CSNK2A2IP: variants seen among roughly 807,000 people sequenced by gnomAD.
The protein encoded by CSNK2A2IP is casein kinase II subunit alpha'-interacting protein.
At chr3:88,352,149 G>A in the CSNK2A2IP span, among the ~76,000 whole-genome samples, 1 of 152,076 alleles carries the variant, frequency 6.6e-6, no homozygotes, top group Admixed American at 6.6e-5. Context: ...AAACTAAAAT[G>A]ATAAAAATGT....
the CSNK2A2IP span, among the ~76,000 whole-genome samples, chr3:88,437,436 G>A: frequency 6.6e-6 from 1 of 152,186 alleles, no homozygotes; most frequent in Non-Finnish European, 1.5e-5. Context: ...TGTATTTTAA[G>A]TTTGACTGAA....
the CSNK2A2IP span, among the ~76,000 whole-genome samples, chr3:88,412,144 G>A: frequency 1.3e-5 from 2 of 151,836 alleles, no homozygotes; most frequent in African/African-American, 4.8e-5. Flanking sequence ...TTTTGAAGGG[G>A]TAATAGTTTT....
the CSNK2A2IP span, among the ~76,000 whole-genome samples, chr3:88,362,848 C>T: frequency 1.3e-5 from 2 of 152,164 alleles, no homozygotes; most frequent in Non-Finnish European, 2.9e-5. Context: ...AGACAAAGTC[C>T]TTTGTAGTCT....
At chr3:88,437,988 A>G in the CSNK2A2IP span, among the ~76,000 whole-genome samples, 1 of 152,226 alleles carries the variant, frequency 6.6e-6, no homozygotes, top group Non-Finnish European at 1.5e-5. Context: ...TGAAAAAATT[A>G]TTCAAAACAC....
At chr3:88,419,233 C>T in the CSNK2A2IP span, among the ~76,000 whole-genome samples, 1 of 152,104 alleles carries the variant, frequency 6.6e-6, no homozygotes, top group Non-Finnish European at 1.5e-5. Context: ...TTCTCCCACC[C>T]CCTGGTCTGT....
the CSNK2A2IP span, among the ~76,000 whole-genome samples, chr3:88,431,850 G>A: frequency 6.6e-6 from 1 of 152,058 alleles, no homozygotes; most frequent in African/African-American, 2.4e-5. Context: ...GAAAAATTAA[G>A]CAGCTATATA....
At chr3:88,354,078 A>G in the CSNK2A2IP span, among the ~76,000 whole-genome samples, 1 of 152,120 alleles carries the variant, frequency 6.6e-6, no homozygotes, top group Admixed American at 6.6e-5. Context: ...TCCATCTCTC[A>G]TCATGTGACA....
At chr3:88,414,114 C>T in the CSNK2A2IP span, among the ~76,000 whole-genome samples, 1 of 150,764 alleles carries the variant, frequency 6.6e-6, no homozygotes, top group East Asian at 1.9e-4. Context: ...TCTAGGGAAA[C>T]AGACTATCTC....
the CSNK2A2IP span, among the ~76,000 whole-genome samples, chr3:88,437,773 C>CT: frequency 6.6e-6 from 1 of 152,194 alleles, no homozygotes; most frequent in Non-Finnish European, 1.5e-5. Context: ...GTTGGATAGA[C>CT]TATCTCTGTA....
At chr3:88,420,798 A>C in the CSNK2A2IP span, among the ~76,000 whole-genome samples, 4 of 152,180 alleles carry the variant, frequency 2.6e-5, no homozygotes, top group African/African-American at 9.6e-5. Context: ...AGAAGAATGC[A>C]ATATGACTAT....
chr3:88,390,485 C>T, the CSNK2A2IP span, among the ~76,000 whole-genome samples: 2 of 152,162 alleles, frequency 1.3e-5, no homozygotes, highest in South Asian at 2.1e-4. Flanking sequence ...CTCATTAAGC[C>T]GATAACTCAA....
the CSNK2A2IP span, among the ~76,000 whole-genome samples, chr3:88,366,515 A>G: frequency 6.6e-6 from 1 of 152,174 alleles, no homozygotes; most frequent in African/African-American, 2.4e-5. Context: ...AGTTAAAAAC[A>G]GAATACTTTA....
the CSNK2A2IP span, among the ~76,000 whole-genome samples, chr3:88,433,267 C>T: frequency 7.9e-6 from 1 of 127,340 alleles, no homozygotes; most frequent in Non-Finnish European, 1.9e-5. Context: ...TGCCTTTGTT[C>T]TGTTTTTTCT....
chr3:88,460,256 T>G, the CSNK2A2IP span, among the ~76,000 whole-genome samples: 1 of 152,210 alleles, frequency 6.6e-6, no homozygotes, highest in Admixed American at 6.5e-5. Flanking sequence ...TACATGCTTC[T>G]AGCAAAATAC....
At chr3:88,435,011 T>C in the CSNK2A2IP span, among the ~76,000 whole-genome samples, 2 of 152,140 alleles carry the variant, frequency 1.3e-5, no homozygotes, top group Admixed American at 6.6e-5. Flanking sequence ...AGCTCCTTAG[T>C]CCCATGTCAG....
At chr3:88,379,096 T>C in the CSNK2A2IP span, among the ~76,000 whole-genome samples, 5 of 152,046 alleles carry the variant, frequency 3.3e-5, no homozygotes, top group Admixed American at 3.3e-4. Context: ...TTAATGATCT[T>C]CGCTCCAAAG....
At chr3:88,454,808 C>T in the CSNK2A2IP span, among the ~76,000 whole-genome samples, 1 of 151,960 alleles carries the variant, frequency 6.6e-6, no homozygotes, top group South Asian at 2.1e-4. Flanking sequence ...GAGAACACAT[C>T]AGAAATACTT....
At chr3:88,384,477 G>C in the CSNK2A2IP span, among the ~76,000 whole-genome samples, 1 of 152,126 alleles carries the variant, frequency 6.6e-6, no homozygotes, top group African/African-American at 2.4e-5. Context: ...AAAGAACATG[G>C]CAGGAGTGAG....
At chr3:88,387,252 C>G in the CSNK2A2IP span, among the ~76,000 whole-genome samples, 1 of 151,460 alleles carries the variant, frequency 6.6e-6, no homozygotes, top group Non-Finnish European at 1.5e-5. Context: ...GCCTCCGCCT[C>G]CTGGGTTCAA....
Sources: allele counts gnomAD v4.1 joint callset (sites outside exome capture counted in the v4.1 genomes callset), GRCh38; gene constraint gnomAD v4.1.1; transcripts MANE v1.5; gene names NCBI Gene and HGNC (gene_info 2026-07-23, HGNC 2026-07-21).